The following IGSF21 variants were observed in gnomAD, a reference collection of about 807,000 sequenced individuals.
IGSF21 encodes the protein immunoglobin superfamily member 21, also known as immunoglobulin superfamily member 21.
IGSF21 carries 28 observed loss-of-function variants against 46.8 expected under a neutral mutation model. That is an observed-to-expected ratio of 0.60 (90% CI 0.44 to 0.82). The LOEUF (loss-of-function observed/expected upper bound fraction) is 0.82, where lower values mean the gene tolerates loss of function less well. Ranked by LOEUF, IGSF21 falls within the 40% of genes least tolerant of loss-of-function variation. The pLI is 0.00. For synonymous variants in IGSF21, 284 were observed against 273.6 expected (o/e 1.04, Z -0.38); for missense variants, 624 against 665.5 (o/e 0.94, Z 0.69).
intron 3 of IGSF21, among the ~76,000 whole-genome samples, chr1:18,293,198 C>A (rs1055160949): frequency 2.6e-5 from 4 of 152,238 alleles, no homozygotes; most frequent in African/African-American, 9.6e-5. Context: ...CACCTTGCAT[C>A]CCCAGCTCTC....
rs570712417 is a variant in IGSF21, at chr1:18,132,573, G to A, written c.70+24375G>A. ...TCCCACACTGCAAAATGACCGCAGA[G>A]ATTTACCCCATGATTGCGTTCTGGG... On this transcript the variant is annotated intron_variant, in intron 1 of 9. Transcript: ENST00000251296. 9.2e-5 allele frequency among the ~76,000 whole-genome samples: 14 copies of A among 152,324 alleles called. 1 individual carries two copies. In the South Asian group the frequency reaches 2.7e-3, roughly 29 times the overall value.
Position 18,108,098 on chromosome 1 carries a change from G to T in IGSF21, c.-31G>T, listed in dbSNP as rs1488443410. The T allele has an allele frequency of 6.1e-6, 7 of 1,141,856 alleles. No individual in the cohort carries two copies. The Admixed American group carries it at 9.1e-5, about 15-fold the overall frequency. 70.7% of individuals were successfully genotyped at this position (1,141,856 alleles called of 1,614,324 possible). ...CGCCGCCACCGCCTCCACCCCCGCC[G>T]CCCCGCCACCGCCGCCAGCTCCCGG... is the stretch of plus-strand genomic sequence containing the variant. On this transcript the variant is annotated 5_prime_UTR_variant, in exon 1 of 10. Coordinates refer to ENST00000251296, the MANE Select transcript of IGSF21 (RefSeq NM_032880.5).
At chr1:18,182,761 C>T (rs1232382658) in intron 1 of IGSF21, among the ~76,000 whole-genome samples, 5 of 152,220 alleles carry the variant, frequency 3.3e-5, no homozygotes, top group Non-Finnish European at 7.3e-5. Context: ...TCCCACCCCT[C>T]GAGGGGGGTC....
At chr1:18,185,444 T>C (rs1293851587) in intron 1 of IGSF21, among the ~76,000 whole-genome samples, 7 of 152,184 alleles carry the variant, frequency 4.6e-5, no homozygotes, top group Admixed American at 4.6e-4. Context: ...CTCCCAGAGT[T>C]CCGCCAGGCA....
intron 3 of IGSF21, among the ~76,000 whole-genome samples, chr1:18,312,300 C>T (rs1169792193): frequency 6.6e-6 from 1 of 152,192 alleles, no homozygotes; most frequent in Non-Finnish European, 1.5e-5. Flanking sequence ...GGGTAATTGT[C>T]AGGAGATTCA....
chr1:18,203,235 G>A (rs1179706143), intron 1 of IGSF21, among the ~76,000 whole-genome samples: 1 of 152,178 alleles, frequency 6.6e-6, no homozygotes, highest in Non-Finnish European at 1.5e-5. Context: ...CAACAAGCAG[G>A]TCTTTGCCTC....
At chr1:18,286,863 CAG>C (rs1347546851) in intron 2 of IGSF21, among the ~76,000 whole-genome samples, 1 of 152,170 alleles carries the variant, frequency 6.6e-6, no homozygotes, top group Non-Finnish European at 1.5e-5. Context: ...ATTCTGGAAA[CAG>C]AGCAATGGAC....
At chr1:18,316,285 T>A (rs1442847782) in intron 3 of IGSF21, among the ~76,000 whole-genome samples, 1 of 152,236 alleles carries the variant, frequency 6.6e-6, no homozygotes, top group Non-Finnish European at 1.5e-5. Context: ...ATCTGACCAC[T>A]GCTGAGGCCA....
intron 1 of IGSF21, among the ~76,000 whole-genome samples, chr1:18,186,784 C>G (rs2086906912): frequency 6.6e-6 from 1 of 152,148 alleles, no homozygotes; most frequent in Admixed American, 6.5e-5. Flanking sequence ...TTTCCTGCCC[C>G]CTGGAATTCT....
At chr1:18,199,803 C>G (rs1002700925) in intron 1 of IGSF21, among the ~76,000 whole-genome samples, 21 of 152,224 alleles carry the variant, frequency 1.4e-4, no homozygotes, top group African/African-American at 4.6e-4. Context: ...AACAAATGGG[C>G]AAAGTTTTAT....
intron 2 of IGSF21, among the ~76,000 whole-genome samples, chr1:18,242,428 G>A (rs2084740921): frequency 6.6e-6 from 1 of 152,160 alleles, no homozygotes; most frequent in Non-Finnish European, 1.5e-5. Context: ...TTCTGAATTG[G>A]ATACCATTCT....
chr1:18,342,063 TTTTTTG>T (rs532542605), intron 4 of IGSF21, among the ~76,000 whole-genome samples: 13,587 of 150,406 alleles, frequency 0.09, 736 homozygotes, highest in Middle Eastern at 0.13. Flanking sequence ...TGTTTTTTTT[TTTTTTG>T]TTTGTTTGTT....
intron 4 of IGSF21, among the ~76,000 whole-genome samples, chr1:18,339,665 C>A (rs2085808165): frequency 6.6e-6 from 1 of 152,196 alleles, no homozygotes; most frequent in African/African-American, 2.4e-5. Flanking sequence ...GTAAAGGCTG[C>A]AGTGAGCTGA....
chr1:18,362,115 C>A lies in IGSF21; in HGVS notation c.425C>A (p.Ala142Asp). The change falls in exon 5 of 10, where the codon GCT (alanine) becomes GAT (aspartate). Residue 142 changes from alanine to aspartate, a missense_variant and splice_region_variant. Ala to Asp is a moderately radical substitution (Grantham distance 126, BLOSUM62 -2). Transcript: ENST00000251296. ...ASGNIFLNVM[A>D]PPTSIEVVAA... is the part of the protein sequence containing the mutation. ...CTTCCTGTGCTTCCTTTTGGGGCAG[C>A]TCCTCCCACCTCCATTGAAGTGGTG... is the stretch of plus-strand genomic sequence containing the variant. 6.2e-7 allele frequency: 1 copy of A among 1,603,534 alleles called. No homozygotes were observed. The highest frequency in any genetic ancestry group is 8.5e-7 in the Non-Finnish European group (1 of 1,173,772).
At chr1:18,364,013 C>T (rs1245348651) in intron 5 of IGSF21, among the ~76,000 whole-genome samples, 1 of 152,072 alleles carries the variant, frequency 6.6e-6, no homozygotes, top group African/African-American at 2.4e-5. Flanking sequence ...GTTTTTTTCT[C>T]ACAGAGAAAA....
intron 4 of IGSF21, among the ~76,000 whole-genome samples, chr1:18,359,405 A>AT (rs2086067266): frequency 6.9e-6 from 1 of 144,802 alleles, no homozygotes; most frequent in African/African-American, 2.6e-5. Flanking sequence ...GAAGGAAGGA[A>AT]GGAAGGAAGG....
At position 18,335,637 on chromosome 1, in the gene IGSF21, C is replaced by T. The variant is rs1262985099; in HGVS notation, c.424+627C>T. The stretch of plus-strand genomic sequence containing the variant: ...GGCTCTAATGTTCTTGTCAGATACA[C>T]ACCTTTGGATTCTGGCTCTATTGCA... On this transcript the variant is annotated intron_variant, in intron 4 of 9. Coordinates refer to ENST00000251296, the MANE Select transcript of IGSF21 (RefSeq NM_032880.5). This position sits in a 1 kb window ranked among gnomAD's most constrained non-coding sequence, Gnocchi z 4.8. 6.6e-6 allele frequency among the ~76,000 whole-genome samples: 1 copy of T among 152,220 alleles called. No individual in the cohort carries two copies. The highest frequency in any genetic ancestry group is 1.5e-5 in the Non-Finnish European group (1 of 68,040).
chr1:18,295,650 G>A (rs1449751116), intron 3 of IGSF21, among the ~76,000 whole-genome samples: 1 of 152,082 alleles, frequency 6.6e-6, no homozygotes, highest in Non-Finnish European at 1.5e-5. Context: ...AGGCAGATGT[G>A]GCCGACAGTT....
intron 1 of IGSF21, among the ~76,000 whole-genome samples, chr1:18,226,479 T>C (rs1309649395): frequency 6.6e-6 from 1 of 152,164 alleles, no homozygotes; most frequent in African/African-American, 2.4e-5. Flanking sequence ...TGTGGCTTTG[T>C]CAGACCAAGT....
Sources: gnomAD v4.1 joint callset for allele counts (sites outside exome capture counted in the v4.1 genomes callset) on GRCh38, gnomAD v4.1.1 for gene constraint, Gnocchi (gnomAD v3.1) non-coding constraint, MANE v1.5 for transcripts, NCBI Gene and HGNC (gene_info 2026-07-23, HGNC 2026-07-21) for gene names.